The following SLIT1 variants were observed in gnomAD, a reference collection of about 807,000 sequenced individuals.
SLIT1 encodes slit guidance ligand 1, also known as slit homolog 1 protein.
Under a neutral mutation model 186.1 loss-of-function variants are expected in SLIT1, and 66 were observed. That is an observed-to-expected ratio of 0.35 (90% confidence interval 0.29 to 0.44). The LOEUF (loss-of-function observed/expected upper bound fraction) is 0.44, where lower values mean the gene tolerates loss of function less well. SLIT1 is among the 20% of genes least tolerant of loss of function. The pLI, the probability that SLIT1 is intolerant of heterozygous loss-of-function variation, is 1.00. For missense variants in SLIT1, 1,638 were observed against 2,037.4 expected (o/e 0.80, Z 3.77); for synonymous variants, 761 against 833.8 (o/e 0.91, Z 1.50).
At chr10:97,058,764 G>T (rs1363240823) in intron 11 of SLIT1, among the ~76,000 whole-genome samples, 1 of 152,184 alleles carries the variant, frequency 6.6e-6, no homozygotes, top group Non-Finnish European at 1.5e-5. Flanking sequence ...ATCCCCTAGA[G>T]TAACAAATGG....
At chr10:97,101,024 C>G (rs1250484465) in intron 4 of SLIT1, among the ~76,000 whole-genome samples, 1 of 152,186 alleles carries the variant, frequency 6.6e-6, no homozygotes, top group Non-Finnish European at 1.5e-5. Context: ...ATCAATGAAG[C>G]TGAACCCCTT....
chr10:97,098,308 T>C (rs1332020916), intron 4 of SLIT1, among the ~76,000 whole-genome samples: 4 of 152,220 alleles, frequency 2.6e-5, no homozygotes, highest in African/African-American at 9.6e-5. Context: ...GTCCTACTGC[T>C]GCTCCCAACT....
chr10:97,178,235 A>G (rs1432722080), intron 1 of SLIT1, among the ~76,000 whole-genome samples: 1 of 152,222 alleles, frequency 6.6e-6, no homozygotes, highest in Non-Finnish European at 1.5e-5. Context: ...ACATCAACTT[A>G]TCAAGTAATT....
chr10:97,091,878 C>T (rs145701155), intron 4 of SLIT1, among the ~76,000 whole-genome samples: 2 of 152,336 alleles, frequency 1.3e-5, no homozygotes, highest in African/African-American at 4.8e-5. Context: ...TCTAAACAAG[C>T]TCCAGTCTTT....
At chr10:97,114,415 G>C (rs575540951) in intron 4 of SLIT1, among the ~76,000 whole-genome samples, 1 of 152,346 alleles carries the variant, frequency 6.6e-6, no homozygotes, top group African/African-American at 2.4e-5. Flanking sequence ...AGCACTTTGG[G>C]AGGCCAAGGC....
At chr10:97,065,179 A>G (rs920082367) in intron 5 of SLIT1, among the ~76,000 whole-genome samples, 4 of 151,114 alleles carry the variant, frequency 2.6e-5, no homozygotes, top group African/African-American at 7.3e-5. Flanking sequence ...CATTTTGGAG[A>G]CCACCTAGTG....
chr10:97,016,645 G>A (rs1848457251), intron 28 of SLIT1, among the ~76,000 whole-genome samples: 1 of 152,112 alleles, frequency 6.6e-6, no homozygotes. Flanking sequence ...TTGTCTTAAG[G>A]CCCTTCCACC....
chr10:97,004,945 C>T lies in SLIT1; in HGVS notation c.3580-122G>A, dbSNP rs975435169. 2.5e-6 allele frequency: 3 copies of T among 1,186,946 alleles called. No homozygotes were observed. In the African/African-American group the frequency reaches 4.5e-5, roughly 18 times the overall value. 73.5% of individuals were successfully genotyped at this position (1,186,946 alleles called of 1,614,324 possible). The stretch of plus-strand genomic sequence containing the variant: ...GATGCTCTGTGCAGAGCGCTCTTCC[C>T]CCACCTGGCCAGCCTCCCCAAGGCC... On this transcript the variant is annotated intron_variant, in intron 32 of 36. Transcript: ENST00000266058. This position sits in a 1 kb window ranked among gnomAD's most constrained non-coding sequence, Gnocchi z 5.1.
chr10:97,002,201 G>T lies in SLIT1; in HGVS notation c.4323C>A (p.His1441Gln). ...HCQASGTKGA[H>Q]CVCDPGFSGE... is the part of the protein sequence containing the mutation. ...CCGAAAAGCCGGGGTCACACACACA[G>T]TGTGCCCCCTTGGTGCCTGAGGCCT... is the stretch of plus-strand genomic sequence containing the variant. The change falls in exon 36 of 37, where the codon CAC becomes CAA. Residue 1441 changes from histidine to glutamine, a missense_variant. Transcript: ENST00000266058. 6.4e-7 allele frequency: 1 copy of T among 1,570,428 alleles called. No individual in the cohort carries two copies. Among genetic ancestry groups the T allele is most frequent in the Non-Finnish European group, 8.7e-7 (1 of 1,154,084 alleles).
intron 4 of SLIT1, among the ~76,000 whole-genome samples, chr10:97,122,875 T>C (rs1849572106): frequency 6.6e-6 from 1 of 152,122 alleles, no homozygotes; most frequent in Non-Finnish European, 1.5e-5. Flanking sequence ...CCTCACCTGC[T>C]CAGCAGCTCT....
intron 4 of SLIT1, among the ~76,000 whole-genome samples, chr10:97,091,238 G>A (rs73322722): frequency 0.022 from 3,307 of 152,286 alleles, 148 homozygotes; most frequent in African/African-American, 0.076. Flanking sequence ...GCTCAGACAC[G>A]CTCCATGCAC....
In SLIT1 at chr10:97,184,366, T is replaced by C. The variant is rs1266960407; in HGVS notation, c.197+1112A>G. ...GAGCCAGCAGCCTTCTCCAAAGCCC[T>C]GTTCAAAAATCTCCTGGTGTAGTCA... On this transcript the variant is annotated intron_variant, in intron 1 of 36. Coordinates refer to ENST00000266058, the MANE Select transcript of SLIT1 (RefSeq NM_003061.3). The surrounding 1 kb of genome is among the most constrained non-coding windows in gnomAD (Gnocchi z 4.4). Among the ~76,000 whole-genome samples, 1 of 152,088 alleles carries C rather than the reference T, an allele frequency of 6.6e-6. No homozygotes were observed. The highest frequency in any genetic ancestry group is 2.4e-5 in the African/African-American group (1 of 41,404).
At chr10:97,001,471 C>A in intron 36 of SLIT1, 121 bp from the exon 37 acceptor site, 1 of 719,260 alleles carries the variant, frequency 1.4e-6, no homozygotes. Context: ...TCCTTTGGCT[C>A]TCAGACCCCA....
chr10:97,144,496 C>A (rs1480296574), intron 4 of SLIT1, among the ~76,000 whole-genome samples: 1 of 152,202 alleles, frequency 6.6e-6, no homozygotes, highest in Non-Finnish European at 1.5e-5. Context: ...AAAGGAGAGA[C>A]TTCAGGAGTA....
intron 4 of SLIT1, among the ~76,000 whole-genome samples, chr10:97,112,232 T>C (rs934305296): frequency 6.6e-6 from 1 of 151,962 alleles, no homozygotes; most frequent in Non-Finnish European, 1.5e-5. Flanking sequence ...ACTGCCAAGC[T>C]CCACCACTCC....
chr10:97,063,621 G>A lies in SLIT1; in HGVS notation c.630-3C>T, dbSNP rs760258945. The A allele has an allele frequency of 8.8e-6, 14 of 1,597,670 alleles. No homozygotes were observed. The highest frequency in any genetic ancestry group is 1.0e-5 in the Non-Finnish European group (12 of 1,171,960). ...ACAGGTGGTTGGAGTGCAGGCGGCT[G>A]CAAGAGGACAGGATGGCTCACAACC... is the stretch of plus-strand genomic sequence containing the variant. On this transcript the variant is annotated splice_region_variant and splice_polypyrimidine_tract_variant and intron_variant, in intron 7 of 36. Coordinates refer to ENST00000266058, the MANE Select transcript of SLIT1 (RefSeq NM_003061.3).
rs935780033 is a variant in SLIT1, at chr10:97,013,772, C to T, written c.3172G>A (p.Ala1058Thr). 3.4e-5 allele frequency: 52 copies of T among 1,551,516 alleles called. No homozygotes were observed. The Admixed American group carries it at 1.0e-3, about 30-fold the overall frequency. The change falls in exon 30 of 37, where the codon GCC becomes ACC. Residue 1058 changes from alanine to threonine, a missense_variant. Transcript: ENST00000266058. ...SPDLNPCQHE[A>T]QCVGTPDGPR... ...CCATCCGGGGTGCCCACACACTGGG[C>T]CTCGTGTTGACATGGGTTCAGATCC...
Position 97,152,588 on chromosome 10 carries a change from G to A in SLIT1, c.413+5230C>T, listed in dbSNP as rs563359738. On this transcript the variant is annotated intron_variant, in intron 4 of 36. Coordinates refer to ENST00000266058, the MANE Select transcript of SLIT1 (RefSeq NM_003061.3). ...TCTCACAGAAGAGCAAACAGGCTCGGTTAAAGGAAACGCTGCAACATCGTA... is the reference window on the plus strand; with the variant it reads ...TCTCACAGAAGAGCAAACAGGCTCGATTAAAGGAAACGCTGCAACATCGTA... 3.7e-4 allele frequency among the ~76,000 whole-genome samples: 56 copies of A among 152,330 alleles called. 1 individual carries two copies. Among genetic ancestry groups the A allele is most frequent in the African/African-American group, 1.3e-3 (53 of 41,582 alleles).
At chr10:97,078,519 A>C (rs1260905613) in intron 4 of SLIT1, among the ~76,000 whole-genome samples, 2 of 152,192 alleles carry the variant, frequency 1.3e-5, no homozygotes, top group Non-Finnish European at 2.9e-5. Flanking sequence ...CCCAACAGAG[A>C]TATCAGGGGC....
Sources: gnomAD v4.1 joint callset for allele counts (sites outside exome capture counted in the v4.1 genomes callset) on GRCh38, gnomAD v4.1.1 for gene constraint, Gnocchi (gnomAD v3.1) non-coding constraint, MANE v1.5 for transcripts, NCBI Gene and HGNC (gene_info 2026-07-23, HGNC 2026-07-21) for gene names.